Variants in ARID1A observed in about 807,000 individuals in gnomAD.
ARID1A encodes AT-rich interactive domain-containing protein 1A.
In ARID1A, 20 loss-of-function variants were observed where a neutral mutation model predicts 212.6. That is an observed-to-expected ratio of 0.09 (90% CI 0.07 to 0.14). The LOEUF (loss-of-function observed/expected upper bound fraction) is 0.14. Among genes scored for constraint, ARID1A ranks in the 10% least tolerant of loss-of-function variants. The probability of loss-of-function intolerance (pLI) is 1.00; values close to 1 mark genes in which losing one functional copy is unlikely to be tolerated. For missense variants in ARID1A, 2,587 were observed against 3,059.0 expected (o/e 0.85, Z 3.64); for synonymous variants, 1,376 against 1,222.1 (o/e 1.13, Z -2.63).
At chr1:26,775,819 A>G (rs760580880) in intron 19 of ARID1A, 112 bp downstream of exon 19, 9 of 1,500,156 alleles carry the variant, frequency 6.0e-6, no homozygotes, top group Admixed American at 1.8e-5. Context: ...TCTTGTAGAT[A>G]TCTTCCATGC....
chr1:26,727,530 A>T (rs916111364), intron 1 of ARID1A, among the ~76,000 whole-genome samples: 1 of 152,222 alleles, frequency 6.6e-6, no homozygotes, highest in African/African-American at 2.4e-5. Flanking sequence ...CTAATAGTAT[A>T]CACCAGACTC....
At chr1:26,767,692 A>C in intron 10 of ARID1A, 98 bp from the exon 11 acceptor site, 1 of 1,235,656 alleles carries the variant, frequency 8.1e-7, no homozygotes, top group Non-Finnish European at 1.1e-6. Flanking sequence ...CCCCAGAGTA[A>C]GAAGCTTTAA....
At chr1:26,727,034 G>GA (rs1407912216) in intron 1 of ARID1A, among the ~76,000 whole-genome samples, 2 of 152,320 alleles carry the variant, frequency 1.3e-5, no homozygotes, top group East Asian at 1.9e-4. Context: ...GAGTGAGACT[G>GA]AAAAAATGTG....
intron 8 of ARID1A, 54 bp from the exon 9 acceptor site, chr1:26,766,167 C>T (rs1174525384): frequency 1.0e-5 from 16 of 1,573,094 alleles, no homozygotes; most frequent in Non-Finnish European, 1.3e-5. Flanking sequence ...CAGTTCAAAT[C>T]TAAAAGCTCA....
At chr1:26,712,705 A>G (rs2080465685) in intron 1 of ARID1A, among the ~76,000 whole-genome samples, 1 of 152,160 alleles carries the variant, frequency 6.6e-6, no homozygotes, top group African/African-American at 2.4e-5. Context: ...TCTCAAATAA[A>G]AATAAACCCT....
In ARID1A at chr1:26,779,144, G is replaced by A. The variant is rs370901533; in HGVS notation, c.5246G>A (p.Arg1749Lys). The change falls in exon 20 of 20, where the codon AGG becomes AAG. Residue 1749 changes from arginine to lysine, a missense_variant. Physicochemically the swap from Arg to Lys is conservative, Grantham distance 26. Coordinates refer to ENST00000324856, the MANE Select transcript of ARID1A (RefSeq NM_006015.6). ...PGQRTLLDPG[R>K]FSKVSSPAPM... ...CAGAGAACGCTACTGGATCCTGGGA[G>A]GTTCAGCAAGGTGTCTAGTCCAGCT... The A allele has an allele frequency of 3.9e-5, 62 of 1,590,272 alleles. No homozygotes were observed. Among genetic ancestry groups the A allele is most frequent in the Non-Finnish European group, 5.0e-5 (58 of 1,167,004 alleles).
At chr1:26,772,427 CGTTCGTGT>C in intron 12 of ARID1A, 65 bp from the exon 13 acceptor site, 1 of 1,598,744 alleles carries the variant, frequency 6.3e-7, no homozygotes, top group Non-Finnish European at 8.6e-7. Flanking sequence ...GATTCTGGGT[CGTTCGTGT>C]GTTTGTGTGA....
At chr1:26,752,040 A>G (rs989495209) in intron 4 of ARID1A, among the ~76,000 whole-genome samples, 1 of 152,190 alleles carries the variant, frequency 6.6e-6, no homozygotes, top group Admixed American at 6.5e-5. Flanking sequence ...TAGGAAACAC[A>G]TTTTTCTAAA....
chr1:26,705,439 C>CT (rs34588758), intron 1 of ARID1A, among the ~76,000 whole-genome samples: 288 of 143,892 alleles, frequency 2.0e-3, no homozygotes, highest in African/African-American at 5.5e-3. Flanking sequence ...CACGCCCAGC[C>CT]TTTTTTTTTT....
Position 26,696,017 on chromosome 1 carries a change from C to T in ARID1A, c.-387C>T, listed in dbSNP as rs943590743. The T allele has an allele frequency of 1.9e-5, 16 of 858,474 alleles. No homozygotes were observed. The highest frequency in any genetic ancestry group is 1.2e-4 in the Admixed American group (2 of 16,420). The allele number at this position is 858,474 out of a possible 1,614,324, so 53.2% of individuals were successfully genotyped here. On this transcript the variant is annotated 5_prime_UTR_variant, in exon 1 of 20. Transcript: ENST00000324856. ...TCGCCTCCCTCCCTCCCTCCCTCCT[C>T]CTTTCTCCGGCAGCAGAAAGCGGAG...
intron 4 of ARID1A, among the ~76,000 whole-genome samples, chr1:26,742,006 T>C (rs1376602225): frequency 6.6e-6 from 1 of 152,148 alleles, no homozygotes; most frequent in Non-Finnish European, 1.5e-5. Context: ...AATTGGAAGG[T>C]ACAGAATACC....
Position 26,696,402 on chromosome 1 carries a change from T to A in ARID1A, c.-2T>A. On this transcript the variant is annotated 5_prime_UTR_variant, in exon 1 of 20. Transcript: ENST00000324856. ...CTCTCCGCGGACGAGACAGCGGGGATCATGGCCGCGCAGGTCGCCCCCGCC... is the reference window on the plus strand; with the variant it reads ...CTCTCCGCGGACGAGACAGCGGGGAACATGGCCGCGCAGGTCGCCCCCGCC... 7.9e-7 allele frequency: 1 copy of A among 1,268,244 alleles called. No homozygotes were observed. Among genetic ancestry groups the A allele is most frequent in the Non-Finnish European group, 9.9e-7 (1 of 1,011,910 alleles). 78.6% of individuals were successfully genotyped at this position (1,268,244 alleles called of 1,614,324 possible).
At chr1:26,757,586 C>T (rs561102432) in intron 4 of ARID1A, among the ~76,000 whole-genome samples, 84 of 152,188 alleles carry the variant, frequency 5.5e-4, no homozygotes, top group Middle Eastern at 6.8e-3. Flanking sequence ...GTGTCGGAGA[C>T]TTTGGCTTCA....
At chr1:26,778,400 T>C (rs1331638497) in intron 19 of ARID1A, 1 of 152,218 alleles carries the variant, frequency 6.6e-6, no homozygotes, top group Non-Finnish European at 1.5e-5. Flanking sequence ...GAGTGTTTTC[T>C]TCTAGAGGTA....
At chr1:26,739,329 T>C (rs1376475259) in intron 4 of ARID1A, among the ~76,000 whole-genome samples, 3 of 152,230 alleles carry the variant, frequency 2.0e-5, no homozygotes, top group Non-Finnish European at 4.4e-5. Context: ...TCACAAACTT[T>C]AGCGTGTGTT....
intron 1 of ARID1A, among the ~76,000 whole-genome samples, chr1:26,700,166 G>T (rs2080318904): frequency 6.6e-6 from 1 of 152,200 alleles, no homozygotes; most frequent in Non-Finnish European, 1.5e-5. Context: ...CTAGGTGAGG[G>T]TTGTAGGTTC....
At chr1:26,746,620 G>A (rs1351134856) in intron 4 of ARID1A, among the ~76,000 whole-genome samples, 17 of 152,144 alleles carry the variant, frequency 1.1e-4, no homozygotes, top group Admixed American at 1.1e-3. Flanking sequence ...CTGGCCAGGC[G>A]CAGTGGCTCA....
At position 26,778,895 on chromosome 1, in the gene ARID1A, C is replaced by G. The variant is rs533267311; in HGVS notation, c.5125-128C>G. ...ATGAACAATTTGCTCTGTGGAGAAC[C>G]TTTGGGAAAGGAGCAACTCTGCCTC... On this transcript the variant is annotated intron_variant, in intron 19 of 19. Transcript: ENST00000324856. The G allele has an allele frequency of 8.7e-6, 8 of 921,204 alleles. No homozygotes were observed. In the South Asian group the frequency reaches 1.4e-4, roughly 16 times the overall value. 57.1% of individuals were successfully genotyped at this position (921,204 alleles called of 1,614,324 possible).
chr1:26,721,634 C>A (rs1400458786), intron 1 of ARID1A, among the ~76,000 whole-genome samples: 4 of 152,184 alleles, frequency 2.6e-5, no homozygotes, highest in African/African-American at 9.7e-5. Flanking sequence ...TGATCTTCAT[C>A]ATTTTAGGAA....
Sources: gnomAD v4.1 joint callset for allele counts (sites outside exome capture counted in the v4.1 genomes callset) on GRCh38, gnomAD v4.1.1 for gene constraint, MANE v1.5 for transcripts, NCBI Gene and HGNC (gene_info 2026-07-23, HGNC 2026-07-21) for gene names.